Variants in CADM2 observed in about 807,000 individuals in gnomAD.
CADM2 encodes immunoglobulin superfamily member 4D.
Under a neutral mutation model 49.8 loss-of-function variants are expected in CADM2, and 12 were observed. The ratio of observed to expected loss-of-function variants is 0.24; its 90% CI spans 0.15 to 0.39. The LOEUF (loss-of-function observed/expected upper bound fraction) is 0.39. Among genes scored for constraint, CADM2 ranks in the 10% least tolerant of loss-of-function variants. The probability of loss-of-function intolerance (pLI) is 1.00; values close to 1 mark genes in which losing one functional copy is unlikely to be tolerated. For missense variants in CADM2, 378 were observed against 492.3 expected (o/e 0.77, Z 2.20); for synonymous variants, 214 against 175.4 (o/e 1.22, Z -1.74).
At chr3:85,995,991 G>C (rs1729363994) in intron 8 of CADM2, among the ~76,000 whole-genome samples, 1 of 151,762 alleles carries the variant, frequency 6.6e-6, no homozygotes, top group African/African-American at 2.4e-5. Flanking sequence ...TCGGGAGGCT[G>C]AGGCAGGAGA....
rs1477975047 is a variant in CADM2, at chr3:85,710,508, C to G, written c.62-16014C>G. On this transcript the variant is annotated intron_variant, in intron 1 of 9. Transcript: ENST00000383699. Reference sequence around the variant, plus strand: ...CTTGAATTACTCTCAAACTATGGCTCCTAAATGGAACATTGGATATATTTT... The same window carrying G: ...CTTGAATTACTCTCAAACTATGGCTGCTAAATGGAACATTGGATATATTTT... 2.0e-5 allele frequency among the ~76,000 whole-genome samples: 3 copies of G among 152,050 alleles called. No individual in the cohort carries two copies. In the East Asian group the frequency reaches 5.8e-4, roughly 29 times the overall value.
chr3:85,726,417 C>A, intron 1 of CADM2, 105 bp from the exon 2 acceptor site: 2 of 1,207,380 alleles, frequency 1.7e-6, no homozygotes, highest in Non-Finnish European at 2.4e-6. Flanking sequence ...CACAAATGTA[C>A]TCTTTAGACT....
rs559852303 is a variant in CADM2 at position 85,719,756 on chromosome 3, C to T, written c.62-6766C>T. Among the ~76,000 whole-genome samples, 75 of 152,136 alleles carry T rather than the reference C, an allele frequency of 4.9e-4. 1 individual carries two copies. Among genetic ancestry groups the T allele is most frequent in the African/African-American group, 1.6e-3 (68 of 41,502 alleles). The stretch of plus-strand genomic sequence containing the variant: ...ATGCAGTTCAAATCTGTATTGCTCA[C>T]GGGTCAACTGTACCTAAAACAGGAA... On this transcript the variant is annotated intron_variant, in intron 1 of 9. Transcript: ENST00000383699.
rs181654188 is a variant in CADM2 at position 85,760,157 on chromosome 3, C to T, written c.88+33609C>T. ...CTAGATATATGAAGTTTTCTGAAAT[C>T]TCACTGCTCTGAAAGAAATGTTTTT... On this transcript the variant is annotated intron_variant, in intron 2 of 9. Coordinates refer to ENST00000383699, the MANE Select transcript of CADM2 (RefSeq NM_001167675.2). 5.3e-5 allele frequency among the ~76,000 whole-genome samples: 8 copies of T among 152,180 alleles called. No homozygotes were observed. In the East Asian group the frequency reaches 1.5e-3, roughly 29 times the overall value.
chr3:86,054,035 G>T (rs1311717905), intron 8 of CADM2, among the ~76,000 whole-genome samples: 3 of 151,958 alleles, frequency 2.0e-5, no homozygotes, highest in African/African-American at 7.2e-5. Context: ...TATAGCTAGT[G>T]TATAAAGGAC....
At chr3:85,386,035 G>A (rs79587404) in intron 1 of CADM2, among the ~76,000 whole-genome samples, 2 of 152,068 alleles carry the variant, frequency 1.3e-5, no homozygotes, top group Non-Finnish European at 2.9e-5. Context: ...GAACAATCAT[G>A]CAGAACAAAG....
At chr3:85,778,703 AT>A (rs1400551859) in intron 2 of CADM2, among the ~76,000 whole-genome samples, 2 of 152,168 alleles carry the variant, frequency 1.3e-5, no homozygotes, top group Non-Finnish European at 2.9e-5. Flanking sequence ...TGAGAATGGA[AT>A]AACACAATAA....
chr3:85,762,421 C>T (rs1370011134), intron 2 of CADM2, among the ~76,000 whole-genome samples: 2 of 152,024 alleles, frequency 1.3e-5, no homozygotes, highest in Admixed American at 1.3e-4. Flanking sequence ...ATTTCTCATG[C>T]TGTTTTTCCA....
chr3:85,211,974 T>C (rs1312221119), intron 1 of CADM2, among the ~76,000 whole-genome samples: 1 of 152,190 alleles, frequency 6.6e-6, no homozygotes, highest in Admixed American at 6.6e-5. Flanking sequence ...TGGGTGCATA[T>C]ATATCTACAA....
chr3:85,541,587 G>T (rs1327274128), intron 1 of CADM2, among the ~76,000 whole-genome samples: 1 of 149,462 alleles, frequency 6.7e-6, no homozygotes, highest in Non-Finnish European at 1.5e-5. Flanking sequence ...CAAATCTTGG[G>T]TCCACTCATT....
intron 1 of CADM2, among the ~76,000 whole-genome samples, chr3:85,280,596 G>A (rs779680255): frequency 4.0e-5 from 6 of 151,274 alleles, no homozygotes; most frequent in African/African-American, 9.7e-5. Flanking sequence ...TCTTTTCTGC[G>A]TTTTGGGAAG....
chr3:85,784,298 A>T (rs1009291585), intron 2 of CADM2, among the ~76,000 whole-genome samples: 22 of 152,212 alleles, frequency 1.4e-4, no homozygotes, highest in Non-Finnish European at 2.9e-4. Context: ...GGAAGAAAAT[A>T]TGGATCAATT....
At chr3:84,959,771 C>A in intron 1 of CADM2, 103 bp downstream of exon 1, 1 of 1,082,844 alleles carries the variant, frequency 9.2e-7, no homozygotes, top group Non-Finnish European at 1.4e-6. Context: ...TCCCTGTCCC[C>A]AGCGATTTCC....
intron 1 of CADM2, among the ~76,000 whole-genome samples, chr3:85,296,163 T>G (rs1258064090): frequency 6.6e-6 from 1 of 152,026 alleles, no homozygotes; most frequent in Non-Finnish European, 1.5e-5. Flanking sequence ...ATCAAATTAT[T>G]ACTGTATGCA....
chr3:86,066,540 G>A (rs1739362116), intron 9 of CADM2, 125 bp from the exon 10 acceptor site: 2 of 695,356 alleles, frequency 2.9e-6, no homozygotes. Flanking sequence ...CTTTAGAAGA[G>A]TCAATCGGGT....
chr3:85,998,208 T>C lies in CADM2; in HGVS notation c.970+36561T>C, dbSNP rs894010080. ...ACATAGATTTTGGATATAGCATATG[T>C]ATTTTTTTAATTTCTATTTTGAAAA... On this transcript the variant is annotated intron_variant, in intron 8 of 9. Coordinates refer to ENST00000383699, the MANE Select transcript of CADM2 (RefSeq NM_001167675.2). Among the ~76,000 whole-genome samples the C allele has an allele frequency of 2.2e-4, 34 of 152,280 alleles. 1 individual carries two copies. Among genetic ancestry groups the C allele is most frequent in the African/African-American group, 7.7e-4 (32 of 41,564 alleles).
At chr3:85,983,215 G>A (rs1021552430) in intron 8 of CADM2, among the ~76,000 whole-genome samples, 3 of 151,588 alleles carry the variant, frequency 2.0e-5, no homozygotes, top group Non-Finnish European at 3.0e-5. Flanking sequence ...GAGAATTTGC[G>A]CAACTCTTCA....
At chr3:85,361,716 G>A (rs1162589843) in intron 1 of CADM2, among the ~76,000 whole-genome samples, 2 of 152,112 alleles carry the variant, frequency 1.3e-5, no homozygotes, top group Admixed American at 1.3e-4. Context: ...CTTCTGGTCA[G>A]CAGAGGAATG....
chr3:85,354,359 G>C (rs570996521), intron 1 of CADM2, among the ~76,000 whole-genome samples: 2 of 118,162 alleles, frequency 1.7e-5, no homozygotes, highest in Non-Finnish European at 3.4e-5. Flanking sequence ...GTTGTGGGGT[G>C]GGGGGAGGGG....
Sources: allele counts gnomAD v4.1 joint callset (sites outside exome capture counted in the v4.1 genomes callset), GRCh38; gene constraint gnomAD v4.1.1; transcripts MANE v1.5; gene names NCBI Gene and HGNC (gene_info 2026-07-23, HGNC 2026-07-21).